The following SCNN1B variants were observed in gnomAD, a reference collection of about 807,000 sequenced individuals.
The protein encoded by SCNN1B is sodium channel epithelial 1 subunit beta.
A neutral mutation model predicts 65.3 loss-of-function variants in SCNN1B; 46 were observed. The ratio of observed to expected loss-of-function variants is 0.70; its 90% confidence interval spans 0.56 to 0.90. SCNN1B has a LOEUF of 0.90. Ranked by LOEUF, SCNN1B falls within the 40% of genes least tolerant of loss-of-function variation. SCNN1B has a pLI of 0.00. For synonymous variants in SCNN1B, 349 were observed against 330.6 expected (o/e 1.06, Z -0.60); for missense variants, 751 against 830.5 (o/e 0.90, Z 1.18).
At chr16:23,299,548 C>A (rs185563183), upstream of SCNN1B, among the ~76,000 whole-genome samples, 1 of 152,248 alleles carries the variant, frequency 6.6e-6, no homozygotes, top group Non-Finnish European at 1.5e-5. Flanking sequence ...TGTTATTTGC[C>A]TTTTTCACCT....
intron 1 of SCNN1B, among the ~76,000 whole-genome samples, chr16:23,346,491 G>A (rs180775280): frequency 2.0e-5 from 3 of 152,032 alleles, no homozygotes; most frequent in Non-Finnish European, 4.4e-5. Context: ...CAAAGTGCTG[G>A]GATTACAGGC....
At chr16:23,329,134 C>T (rs975714773) in intron 1 of SCNN1B, among the ~76,000 whole-genome samples, 1 of 149,484 alleles carries the variant, frequency 6.7e-6, no homozygotes, top group Non-Finnish European at 1.5e-5. Flanking sequence ...TTATTAGAGA[C>T]AGGGTCTCGC....
At chr16:23,358,502 C>T (rs1228701006) in intron 4 of SCNN1B, 7 of 152,270 alleles carry the variant, frequency 4.6e-5, no homozygotes, top group South Asian at 2.1e-4. Flanking sequence ...ACAATACCTA[C>T]CCTACATGGT....
intron 2 of SCNN1B, among the ~76,000 whole-genome samples, chr16:23,289,323 G>C (rs1179310702): frequency 2.0e-5 from 3 of 152,232 alleles, no homozygotes. Context: ...GGGAGGCTAA[G>C]ACAGGAGGAT....
At position 23,360,197 on chromosome 16, in the gene SCNN1B, C is replaced by CAAAAAA. The variant is rs1298962932; in HGVS notation, c.776+4710_776+4715dup. On this transcript the variant is annotated intron_variant, in intron 4 of 12. Coordinates refer to ENST00000343070, the MANE Select transcript of SCNN1B (RefSeq NM_000336.3). ...TGGGAGAGAGAGCGAGACTCCATCTCAAAAAAATAAATAAATAAATAAATA... is the reference window on the plus strand; with the variant it reads ...TGGGAGAGAGAGCGAGACTCCATCTCAAAAAAAAAAAAATAAATAAATAAATAAATA... 5.7e-4 allele frequency among the ~76,000 whole-genome samples: 68 copies of CAAAAAA among 120,004 alleles called. No homozygotes were observed. In the Middle Eastern group the frequency reaches 0.019, roughly 33 times the overall value. The allele number at this position is 120,004 out of a possible 152,430, so 78.7% of individuals were successfully genotyped here. A position where few individuals can be genotyped will look rare whatever the true frequency, so the allele number is the denominator to read the frequency against.
At position 23,375,728 on chromosome 16, in the gene SCNN1B, C is replaced by T; in HGVS notation, c.1153-10C>T. The T allele has an allele frequency of 1.3e-6, 2 of 1,595,078 alleles. No homozygotes were observed. Among genetic ancestry groups the T allele is most frequent in the Non-Finnish European group, 1.7e-6 (2 of 1,162,716 alleles). On this transcript the variant is annotated splice_polypyrimidine_tract_variant and intron_variant, in intron 7 of 12. Coordinates refer to ENST00000343070, the MANE Select transcript of SCNN1B (RefSeq NM_000336.3). Reference sequence around the variant, plus strand: ...GTGTTCTCTCCTTATGAACCCCCTACCCTCCCCAGGCCTGTCTTCGCTCCT... The same window carrying T: ...GTGTTCTCTCCTTATGAACCCCCTATCCTCCCCAGGCCTGTCTTCGCTCCT...
At chr16:23,302,119 G>A (rs1314909477), upstream of SCNN1B, among the ~76,000 whole-genome samples, 1 of 152,142 alleles carries the variant, frequency 6.6e-6, no homozygotes, top group Non-Finnish European at 1.5e-5. Flanking sequence ...AGAATGCGGA[G>A]CGCGTGCGTG....
At position 23,380,034 on chromosome 16, in the gene SCNN1B, G is replaced by C. The variant is rs1169755239; in HGVS notation, c.1467-60G>C. 13 of 1,236,370 alleles carry C rather than the reference G, an allele frequency of 1.1e-5. No individual in the cohort carries two copies. The highest frequency in any genetic ancestry group is 8.4e-5 in the Admixed American group (5 of 59,498). The allele number at this position is 1,236,370 out of a possible 1,614,324, so 76.6% of individuals were successfully genotyped here. A position where few individuals can be genotyped will look rare whatever the true frequency, so the allele number is the denominator to read the frequency against. On this transcript the variant is annotated intron_variant, in intron 11 of 12. Transcript: ENST00000343070. The surrounding 1 kb of genome is among the most constrained non-coding windows in gnomAD (Gnocchi z 5.4). ...TGCATGTGTCTATGTGCGTGTGTGT[G>C]TGTCTGTCTGTTTGGAAGGGGGATA... is the stretch of plus-strand genomic sequence containing the variant.
intron 1 of SCNN1B, among the ~76,000 whole-genome samples, chr16:23,330,661 C>G (rs57041611): frequency 0.012 from 1,766 of 152,226 alleles, 38 homozygotes; most frequent in African/African-American, 0.038. Context: ...CAGCCTCCAA[C>G]CCCTGGGCTT....
intron 2 of SCNN1B, among the ~76,000 whole-genome samples, chr16:23,294,399 AAAAC>A (rs750019230): frequency 5.3e-5 from 8 of 151,830 alleles, no homozygotes; most frequent in East Asian, 3.9e-4. Flanking sequence ...CCTGTCTCAA[AAAAC>A]AAACAAAGAG....
At chr16:23,290,630 A>G (rs531559890) in intron 2 of SCNN1B, among the ~76,000 whole-genome samples, 1 of 152,320 alleles carries the variant, frequency 6.6e-6, no homozygotes, top group South Asian at 2.1e-4. Flanking sequence ...TTAAGGCCCC[A>G]TAACTGTTGA....
At chr16:23,278,250 T>C (rs1960733351) in exon 1 of SCNN1B, 2 of 152,198 alleles carry the variant, frequency 1.3e-5, no homozygotes, top group African/African-American at 4.8e-5. Flanking sequence ...TAAAACATGC[T>C]TGAACCTCAA....
intron 3 of SCNN1B, among the ~76,000 whole-genome samples, chr16:23,353,712 T>C (rs368958390): frequency 1.4e-4 from 22 of 152,252 alleles, no homozygotes; most frequent in African/African-American, 4.8e-4. Context: ...AGGAACTAAG[T>C]CTTGTTATCA....
At chr16:23,329,619 C>T (rs751436759) in intron 1 of SCNN1B, among the ~76,000 whole-genome samples, 5 of 152,202 alleles carry the variant, frequency 3.3e-5, no homozygotes, top group Non-Finnish European at 5.9e-5. Context: ...TACCATGTAG[C>T]TTGTGCAGGG....
At chr16:23,340,558 G>C (rs751330262) in intron 1 of SCNN1B, among the ~76,000 whole-genome samples, 2 of 151,844 alleles carry the variant, frequency 1.3e-5, no homozygotes, top group African/African-American at 2.4e-5. Context: ...ATTTTTTTAC[G>C]TTTTAATCTT....
At chr16:23,340,977 C>T (rs1962043390) in intron 1 of SCNN1B, among the ~76,000 whole-genome samples, 1 of 151,916 alleles carries the variant, frequency 6.6e-6, no homozygotes, top group Non-Finnish European at 1.5e-5. Context: ...AGTTCTTTTG[C>T]TTTTCCATAC....
At chr16:23,322,713 ACTT>A in intron 1 of SCNN1B, among the ~76,000 whole-genome samples, 1 of 152,340 alleles carries the variant, frequency 6.6e-6, no homozygotes, top group South Asian at 2.1e-4. Context: ...CCAAAATATT[ACTT>A]CAACATATAA....
At chr16:23,366,729 A>T (rs1962677453) in intron 4 of SCNN1B, among the ~76,000 whole-genome samples, 1 of 152,088 alleles carries the variant, frequency 6.6e-6, no homozygotes, top group South Asian at 2.1e-4. Flanking sequence ...TGTCTCAAAA[A>T]CAAACAAACA....
chr16:23,377,162 C>T lies in SCNN1B; in HGVS notation c.1271-3C>T. ...CTTGGCCGCCTTTCTGTCTCCTGCG[C>T]AGCCCATTGCTACTCAGATCTACAG... On this transcript the variant is annotated splice_polypyrimidine_tract_variant and splice_region_variant and intron_variant, in intron 8 of 12. Transcript: ENST00000343070. The T allele has an allele frequency of 4.3e-6, 7 of 1,613,788 alleles. No homozygotes were observed. The highest frequency in any genetic ancestry group is 5.9e-6 in the Non-Finnish European group (7 of 1,179,850).
Sources: gnomAD v4.1 joint callset for allele counts (sites outside exome capture counted in the v4.1 genomes callset) on GRCh38, gnomAD v4.1.1 for gene constraint, Gnocchi (gnomAD v3.1) non-coding constraint, MANE v1.5 for transcripts, NCBI Gene and HGNC (gene_info 2026-07-23, HGNC 2026-07-21) for gene names.